Variants in ADCY2 observed in about 807,000 individuals in gnomAD.
ADCY2 encodes the protein adenylate cyclase type 2.
ADCY2 carries 31 observed loss-of-function variants against 125.2 expected under a neutral mutation model. That is an observed-to-expected ratio of 0.25 (90% CI 0.19 to 0.33). The LOEUF (loss-of-function observed/expected upper bound fraction) is 0.33, where lower values mean the gene tolerates loss of function less well. ADCY2 is among the 10% of genes least tolerant of loss of function. The pLI is 1.00. For synonymous variants in ADCY2, 512 were observed against 548.4 expected, an observed-to-expected ratio of 0.93 and a Z score of 0.93; for missense variants, 904 against 1,418.2, an observed-to-expected ratio of 0.64 and a Z score of 5.82.
At chr5:7,763,868 G>A (rs948409457) in intron 16 of ADCY2, among the ~76,000 whole-genome samples, 1 of 152,158 alleles carries the variant, frequency 6.6e-6, no homozygotes, top group African/African-American at 2.4e-5. Context: ...GGGGAGAGAT[G>A]CATTAGGAGT....
intron 4 of ADCY2, among the ~76,000 whole-genome samples, chr5:7,673,514 C>T (rs1206226750): frequency 6.6e-6 from 1 of 152,038 alleles, no homozygotes; most frequent in Non-Finnish European, 1.5e-5. Flanking sequence ...AAGCCAGCTT[C>T]TGCACCTCAG....
intron 11 of ADCY2, among the ~76,000 whole-genome samples, 169 bp from the exon 12 acceptor site, chr5:7,716,988 C>G (rs1414574035): frequency 1.3e-5 from 2 of 152,174 alleles, no homozygotes; most frequent in Non-Finnish European, 2.9e-5. Flanking sequence ...ATGATAAATA[C>G]TTAAGATAAT....
chr5:7,778,181 G>A (rs1743802260), intron 18 of ADCY2, among the ~76,000 whole-genome samples: 1 of 152,174 alleles, frequency 6.6e-6, no homozygotes, highest in Non-Finnish European at 1.5e-5. Context: ...AGCTGTTTTT[G>A]TCTCAAAGAC....
At chr5:7,615,444 G>C (rs374889985) in intron 3 of ADCY2, among the ~76,000 whole-genome samples, 1 of 152,034 alleles carries the variant, frequency 6.6e-6, no homozygotes, top group Non-Finnish European at 1.5e-5. Context: ...GGACTCATGG[G>C]GTATGTTAGA....
chr5:7,489,641 A>G (rs141151930), intron 2 of ADCY2, among the ~76,000 whole-genome samples: 28 of 152,294 alleles, frequency 1.8e-4, no homozygotes, highest in Admixed American at 5.2e-4. Context: ...CTCCCCAGCC[A>G]TGTCGAACTG....
chr5:7,550,331 G>A (rs1331087066), intron 3 of ADCY2, among the ~76,000 whole-genome samples: 7 of 152,042 alleles, frequency 4.6e-5, no homozygotes, highest in Non-Finnish European at 1.0e-4. Context: ...AGTCTACTGG[G>A]TCTAAAAATC....
intron 2 of ADCY2, among the ~76,000 whole-genome samples, chr5:7,465,669 T>C (rs1302172980): frequency 6.6e-6 from 1 of 152,228 alleles, no homozygotes; most frequent in Middle Eastern, 3.2e-3. Flanking sequence ...GTGTTACTTA[T>C]ATGCTGCAAA....
chr5:7,407,808 C>T (rs1291794343), intron 1 of ADCY2, among the ~76,000 whole-genome samples: 1 of 151,868 alleles, frequency 6.6e-6, no homozygotes, highest in East Asian at 1.9e-4. Flanking sequence ...GAAGACTTGC[C>T]TCACTGTTGC....
chr5:7,489,567 C>T (rs1383011409), intron 2 of ADCY2, among the ~76,000 whole-genome samples: 2 of 152,212 alleles, frequency 1.3e-5, no homozygotes, highest in African/African-American at 2.4e-5. Context: ...CACGAGCTCT[C>T]TTGCCTGCCG....
chr5:7,474,203 A>G (rs535844408), intron 2 of ADCY2, among the ~76,000 whole-genome samples: 2 of 152,332 alleles, frequency 1.3e-5, no homozygotes, highest in South Asian at 2.1e-4. Flanking sequence ...ACTTAACTTT[A>G]CATTCTCAAT....
At chr5:7,785,429 C>T (rs576062259) in intron 19 of ADCY2, among the ~76,000 whole-genome samples, 4 of 152,304 alleles carry the variant, frequency 2.6e-5, no homozygotes, top group Admixed American at 1.3e-4. Context: ...TCCCTAGCAC[C>T]GAGCTGTCCT....
chr5:7,502,671 G>A (rs1743639243), intron 2 of ADCY2, among the ~76,000 whole-genome samples: 1 of 152,162 alleles, frequency 6.6e-6, no homozygotes, highest in African/African-American at 2.4e-5. Context: ...GTGAATTCAT[G>A]GTTTTACATT....
intron 18 of ADCY2, 71 bp from the exon 19 acceptor site, chr5:7,784,294 T>TCAAA: frequency 9.0e-7 from 1 of 1,108,800 alleles, no homozygotes; most frequent in South Asian, 1.3e-5. Context: ...TTGTTGATAT[T>TCAAA]CAAATTCTAA....
intron 2 of ADCY2, among the ~76,000 whole-genome samples, chr5:7,438,852 G>A (rs1318195530): frequency 6.6e-6 from 1 of 152,174 alleles, no homozygotes; most frequent in Non-Finnish European, 1.5e-5. Flanking sequence ...TTCTGCCCTG[G>A]GCTGTGAGGC....
chr5:7,693,990 C>T (rs2126317078), intron 5 of ADCY2, among the ~76,000 whole-genome samples: 1 of 152,284 alleles, frequency 6.6e-6, no homozygotes, highest in Non-Finnish European at 1.5e-5. Flanking sequence ...GTGATCCCTG[C>T]CACTATAAGT....
chr5:7,607,397 A>G (rs901200795), intron 3 of ADCY2, among the ~76,000 whole-genome samples: 2 of 152,172 alleles, frequency 1.3e-5, no homozygotes, highest in African/African-American at 4.8e-5. Context: ...CTCTGTTGGT[A>G]GTGCACAACA....
At chr5:7,626,358 T>A in intron 4 of ADCY2, 42 bp downstream of exon 4, 1 of 1,593,148 alleles carries the variant, frequency 6.3e-7, no homozygotes, top group Non-Finnish European at 8.6e-7. Flanking sequence ...TTTTAGTCAT[T>A]ATTAAAATGA....
chr5:7,729,475 G>A (rs769995402), intron 14 of ADCY2, among the ~76,000 whole-genome samples: 1 of 151,418 alleles, frequency 6.6e-6, no homozygotes, highest in Non-Finnish European at 1.5e-5. Context: ...TCTGTATTTT[G>A]ATTTTATAAT....
chr5:7,448,544 C>T (rs1042563466), intron 2 of ADCY2, among the ~76,000 whole-genome samples: 11 of 151,912 alleles, frequency 7.2e-5, no homozygotes, highest in Non-Finnish European at 1.0e-4. Flanking sequence ...CACAGGTGAG[C>T]GTGTGCCATG....
Sources: gnomAD v4.1 joint callset for allele counts (sites outside exome capture counted in the v4.1 genomes callset) on GRCh38, gnomAD v4.1.1 for gene constraint, MANE v1.5 for transcripts, NCBI Gene and HGNC (gene_info 2026-07-23, HGNC 2026-07-21) for gene names.